ABCF1: variants seen among roughly 807,000 people sequenced by gnomAD.
The protein encoded by ABCF1 is ATP binding cassette subfamily F member 1.
A neutral mutation model predicts 126.3 loss-of-function variants in ABCF1; 73 were observed. The observed-to-expected ratio is 0.58, with a 90% CI of 0.48 to 0.70. The LOEUF (loss-of-function observed/expected upper bound fraction) is 0.70. ABCF1 is among the 30% of genes least tolerant of loss of function. The pLI, the probability that ABCF1 is intolerant of heterozygous loss-of-function variation, is 0.00. For synonymous variants in ABCF1, 345 were observed against 396.4 expected, an observed-to-expected ratio of 0.87 and a Z score of 1.54; for missense variants, 786 against 1,057.5, an observed-to-expected ratio of 0.74 and a Z score of 3.56.
At chr6:30,585,819 G>C in intron 16 of ABCF1, 60 bp from the exon 17 acceptor site, 1 of 1,560,682 alleles carries the variant, frequency 6.4e-7, no homozygotes, top group Non-Finnish European at 8.7e-7. Context: ...CCAGTCCCTG[G>C]TTGTCCCTTT....
chr6:30,577,795 C>T, intron 2 of ABCF1, 23 bp from the exon 3 acceptor site: 2 of 1,611,156 alleles, frequency 1.2e-6, no homozygotes, highest in African/African-American at 1.3e-5. Flanking sequence ...ACATGTTTAC[C>T]TGTAGCTTAA....
At position 30,584,796 on chromosome 6, in the gene ABCF1, C is replaced by A. The variant is rs1284662727; in HGVS notation, c.1391+230C>A. 1.3e-5 allele frequency among the ~76,000 whole-genome samples: 2 copies of A among 152,136 alleles called. No individual in the cohort carries two copies. Among genetic ancestry groups the A allele is most frequent in the South Asian group, 4.1e-4 (2 of 4,836 alleles). On this transcript the variant is annotated intron_variant, in intron 14 of 24. Coordinates refer to ENST00000326195, the MANE Select transcript of ABCF1 (RefSeq NM_001025091.2). This position sits in a 1 kb window ranked among gnomAD's most constrained non-coding sequence, Gnocchi z 4.6. ...GGTGCAATGGGTCACGCCTGTAATC[C>A]CAGCACTTTGGAAGGCAGAGGCAGG... is the stretch of plus-strand genomic sequence containing the variant.
chr6:30,572,110 T>C (rs996892084), intron 1 of ABCF1, among the ~76,000 whole-genome samples: 8 of 152,198 alleles, frequency 5.3e-5, no homozygotes, highest in Admixed American at 5.2e-4. Flanking sequence ...GTTAAGCGCT[T>C]GTTTTTAATT....
At position 30,585,700 on chromosome 6, in the gene ABCF1, TG is replaced by T; in HGVS notation, c.1600+20del. 1.2e-6 allele frequency: 2 copies of T among 1,612,158 alleles called. No individual in the cohort carries two copies. Among genetic ancestry groups the T allele is most frequent in the Non-Finnish European group, 1.7e-6 (2 of 1,179,366 alleles). On this transcript the variant is annotated intron_variant, in intron 16 of 24. Coordinates refer to ENST00000326195, the MANE Select transcript of ABCF1 (RefSeq NM_001025091.2). ...CAATTACAGTAAGTAGGATTGTGTG[TG>T]GATGCAGGGAAGAGATAGAACCTCG... is the stretch of plus-strand genomic sequence containing the variant.
chr6:30,580,742 C>T (rs1324830537), intron 8 of ABCF1, among the ~76,000 whole-genome samples: 4 of 152,118 alleles, frequency 2.6e-5, no homozygotes, highest in Non-Finnish European at 4.4e-5. Flanking sequence ...GGTGTGAACA[C>T]GGCTCACTGA....
intron 1 of ABCF1, 142 bp downstream of exon 1, chr6:30,571,702 A>G (rs1801254467): frequency 2.2e-6 from 2 of 910,590 alleles, no homozygotes; most frequent in South Asian, 3.3e-5. Context: ...GCCCGGGAGG[A>G]GTTTGCCGGG....
chr6:30,573,733 A>C (rs1238843954), intron 1 of ABCF1, among the ~76,000 whole-genome samples: 1 of 152,228 alleles, frequency 6.6e-6, no homozygotes, highest in Admixed American at 6.5e-5. Context: ...GTCAGGCAAA[A>C]TAAGGACCAA....
At position 30,577,417 on chromosome 6, in the gene ABCF1, G is replaced by A. The variant is rs1409875081; in HGVS notation, c.82G>A (p.Val28Met). ...GESTSPSDKV[V>M]KKGKKDKKIK... ...TCCGCTTAACTTTCTAGACAAAGTG[G>A]TGAAGAAAGGGAAGAAGGACAAGAA... The change falls in exon 2 of 25, where the codon GTG becomes ATG. Residue 28 changes from valine to methionine, a missense_variant. Physicochemically the swap from Val to Met is conservative, Grantham distance 21 (BLOSUM62 1). This residue lies in a region of ABCF1 where 322 missense variants were observed against 322.9 expected (regional missense o/e 1.00). Transcript: ENST00000326195. The A allele has an allele frequency of 6.2e-7, 1 of 1,613,926 alleles. No individual in the cohort carries two copies. The highest frequency in any genetic ancestry group is 8.5e-7 in the Non-Finnish European group (1 of 1,179,948).
chr6:30,589,870 A>G lies in ABCF1; in HGVS notation c.2129A>G (p.Tyr710Cys). Residue 710 changes from tyrosine (Y) to cysteine (C), a missense_variant, in exon 22 of 25, where the codon TAC (tyrosine) becomes TGC (cysteine). Transcript: ENST00000326195. Reference protein sequence around the residue: ...QLRMEETPTEYLQRGFNLPYQ... With the variant: ...QLRMEETPTECLQRGFNLPYQ... ...CGCATGGAGGAGACGCCCACTGAGTACCTGCAGCGGGGCTTCAACCTGCCC... is the reference window on the plus strand; with the variant it reads ...CGCATGGAGGAGACGCCCACTGAGTGCCTGCAGCGGGGCTTCAACCTGCCC... 1 of 1,614,122 alleles carries G rather than the reference A, an allele frequency of 6.2e-7. No individual in the cohort carries two copies. Among genetic ancestry groups the G allele is most frequent in the Non-Finnish European group, 8.5e-7 (1 of 1,180,028 alleles).
At position 30,580,466 on chromosome 6, in the gene ABCF1, A is replaced by G; in HGVS notation, c.625A>G (p.Lys209Glu). 6.5e-7 allele frequency: 1 copy of G among 1,531,646 alleles called. No homozygotes were observed. The highest frequency in any genetic ancestry group is 8.7e-7 in the Non-Finnish European group (1 of 1,152,748). The allele number at this position is 1,531,646 out of a possible 1,614,324, so 94.9% of individuals were successfully genotyped here. Reference protein sequence around the residue: ...EEEDKEEEIIKEKEPPKQGKE... With the variant: ...EEEDKEEEIIEEKEPPKQGKE... ...GGAGGATAAAGAAGAAGAAATTATA[A>G]AGGAAAAGGAGCCTCCCAAACAAGG... The change falls in exon 8 of 25, where the codon AAG (lysine) becomes GAG (glutamate). Residue 209 changes from lysine (K) to glutamate (E), a missense_variant. By Grantham distance (56) the Lys-to-Glu change is moderately conservative (BLOSUM62 1). Transcript: ENST00000326195.
chr6:30,585,291 C>T lies in ABCF1; in HGVS notation c.1423C>T (p.Leu475=), dbSNP rs1354545371. Residue 475 remains leucine (L), a synonymous_variant, in exon 15 of 25, where the codon CTG becomes TTG. Coordinates refer to ENST00000326195, the MANE Select transcript of ABCF1 (RefSeq NM_001025091.2). The part of the protein sequence containing the change: ...ALFMEPTLLM[L]DEPTNHLDLN... ...GTTCATGGAGCCCACACTGCTGATG[C>T]TGGATGAGCCCACCAACCACCTGGA... is the stretch of plus-strand genomic sequence containing the variant. 1.2e-6 allele frequency: 2 copies of T among 1,613,520 alleles called. No individual in the cohort carries two copies. Among genetic ancestry groups the T allele is most frequent in the Non-Finnish European group, 1.7e-6 (2 of 1,180,030 alleles).
At position 30,583,543 on chromosome 6, in the gene ABCF1, T is replaced by G. The variant is rs1801940239; in HGVS notation, c.916-65T>G. The G allele has an allele frequency of 1.9e-6, 3 of 1,553,080 alleles. No homozygotes were observed. Among genetic ancestry groups the G allele is most frequent in the Admixed American group, 1.7e-5 (1 of 59,494 alleles). ...TGCAGGGAGAAAGTGGCCGCTCCTG[T>G]CCCAAAGGGAGAATTTTCATGTGAT... On this transcript the variant is annotated intron_variant, in intron 10 of 24. Transcript: ENST00000326195. This position sits in a 1 kb window ranked among gnomAD's most constrained non-coding sequence, Gnocchi z 4.1.
intron 1 of ABCF1, among the ~76,000 whole-genome samples, chr6:30,572,750 C>T (rs1176961489): frequency 6.6e-6 from 1 of 152,224 alleles, no homozygotes; most frequent in Non-Finnish European, 1.5e-5. Context: ...ATTCTCCTGC[C>T]TCAGCCTCCA....
chr6:30,579,657 C>A (rs757050345), intron 6 of ABCF1, among the ~76,000 whole-genome samples: 1 of 151,940 alleles, frequency 6.6e-6, no homozygotes, highest in African/African-American at 2.4e-5. Context: ...AGGGTTTCAC[C>A]ATGTTGACCA....
chr6:30,590,932 C>T lies in ABCF1; in HGVS notation c.*231C>T. On this transcript the variant is annotated 3_prime_UTR_variant, in exon 25 of 25. Coordinates refer to ENST00000326195, the MANE Select transcript of ABCF1 (RefSeq NM_001025091.2). ...TTCATATAACTGAGCTGGCCTTATCCTTGGCATCCCCCTAAACAAACAAGA... is the reference window on the plus strand; with the variant it reads ...TTCATATAACTGAGCTGGCCTTATCTTTGGCATCCCCCTAAACAAACAAGA... The T allele has an allele frequency of 2.0e-6, 1 of 489,252 alleles. No individual in the cohort carries two copies. 30.3% of individuals were successfully genotyped at this position (489,252 alleles called of 1,614,324 possible). A position where few individuals can be genotyped will look rare whatever the true frequency, so the allele number is the denominator to read the frequency against.
At position 30,571,468 on chromosome 6, in the gene ABCF1, TA is replaced by T; in HGVS notation, c.-19del. On this transcript the variant is annotated 5_prime_UTR_variant, in exon 1 of 25. Coordinates refer to ENST00000326195, the MANE Select transcript of ABCF1 (RefSeq NM_001025091.2). ...GAAATAGCACCGGGCGCCGCCACAG[TA>T]GCTGTAACTGCCACCGCGATGCCGA... The T allele has an allele frequency of 6.2e-7, 1 of 1,605,404 alleles. No individual in the cohort carries two copies. The highest frequency in any genetic ancestry group is 8.5e-7 in the Non-Finnish European group (1 of 1,176,924).
chr6:30,586,108 T>G lies in ABCF1; in HGVS notation c.1714-26T>G. ...AAGGACTGCCGCGCAGGGCTCAGGT[T>G]TCTCTTTTTTCCTCTTCCTCTCCAG... On this transcript the variant is annotated intron_variant, in intron 17 of 24. Transcript: ENST00000326195. This position sits in a 1 kb window ranked among gnomAD's most constrained non-coding sequence, Gnocchi z 4.9. 1.2e-6 allele frequency: 2 copies of G among 1,607,188 alleles called. No homozygotes were observed. The highest frequency in any genetic ancestry group is 1.7e-4 in the Middle Eastern group (1 of 6,002).
rs1802422323 is a variant in ABCF1, at chr6:30,590,953, C to T, written c.*252C>T. The T allele has an allele frequency of 2.3e-6, 1 of 442,944 alleles. No individual in the cohort carries two copies. The highest frequency in any genetic ancestry group is 2.0e-5 in the African/African-American group (1 of 49,706). 27.4% of individuals were successfully genotyped at this position (442,944 alleles called of 1,614,324 possible). On this transcript the variant is annotated 3_prime_UTR_variant, in exon 25 of 25. Coordinates refer to ENST00000326195, the MANE Select transcript of ABCF1 (RefSeq NM_001025091.2). ...TATCCTTGGCATCCCCCTAAACAAA[C>T]AAGAGGTGACCACCTTATTGTGAGG...
At chr6:30,580,245 G>T (rs1015743211) in intron 7 of ABCF1, among the ~76,000 whole-genome samples, 161 bp from the exon 8 acceptor site, 2 of 151,858 alleles carry the variant, frequency 1.3e-5, no homozygotes, top group African/African-American at 4.8e-5. Flanking sequence ...TACTCGGGAG[G>T]CTGAGGCAGG....
Sources: allele counts gnomAD v4.1 joint callset (sites outside exome capture counted in the v4.1 genomes callset), GRCh38; gene constraint gnomAD v4.1.1; regional missense constraint gnomAD v4.1.1; non-coding constraint Gnocchi (gnomAD v3.1); transcripts MANE v1.5; gene names NCBI Gene and HGNC (gene_info 2026-07-23, HGNC 2026-07-21).